ZDHHC23: variants seen among roughly 807,000 people sequenced by gnomAD.
ZDHHC23 encodes zDHHC palmitoyltransferase 23.
A neutral mutation model predicts 40.2 loss-of-function variants in ZDHHC23; 41 were observed. That is an observed-to-expected ratio of 1.02 (90% CI 0.79 to 1.32). The LOEUF is 1.32. Ranked by LOEUF, ZDHHC23 falls within the 40% of genes most tolerant of loss-of-function variation. ZDHHC23 has a pLI of 0.00. For synonymous variants in ZDHHC23, 204 were observed against 210.2 expected, an observed-to-expected ratio of 0.97 and a Z score of 0.26; for missense variants, 471 against 541.5, an observed-to-expected ratio of 0.87 and a Z score of 1.29.
chr3:113,956,326 A>G lies in ZDHHC23; in HGVS notation c.873-13A>G, dbSNP rs750441784. ...AATGTGTTTGCTTTTTTATTTCTCTATGCTGTTTTGAGGATAAATAGCTGC... is the reference window on the plus strand; with the variant it reads ...AATGTGTTTGCTTTTTTATTTCTCTGTGCTGTTTTGAGGATAAATAGCTGC... On this transcript the variant is annotated splice_polypyrimidine_tract_variant and intron_variant, in intron 3 of 4. Coordinates refer to ENST00000638807, the MANE Select transcript of ZDHHC23 (RefSeq NM_001320466.2). 6.2e-7 allele frequency: 1 copy of G among 1,610,132 alleles called. No individual in the cohort carries two copies. Among genetic ancestry groups the G allele is most frequent in the Non-Finnish European group, 8.5e-7 (1 of 1,178,788 alleles).
downstream of ZDHHC23, among the ~76,000 whole-genome samples, chr3:113,969,780 G>A (rs904839896): frequency 4.6e-5 from 7 of 152,154 alleles, no homozygotes; most frequent in African/African-American, 1.7e-4. Flanking sequence ...GTCAGGTAGT[G>A]TGATACCTAG....
At chr3:113,965,067 G>A (rs1939971390), downstream of ZDHHC23, 1 of 664,102 alleles carries the variant, frequency 1.5e-6, no homozygotes, top group Non-Finnish European at 2.5e-6. Context: ...AATAAACCAG[G>A]TGTATGTATG....
In ZDHHC23 at chr3:113,958,366, G is replaced by A. The variant is rs146093945; in HGVS notation, c.1044G>A (p.Ser348=). 14 of 1,606,434 alleles carry A rather than the reference G, an allele frequency of 8.7e-6. No homozygotes were observed. Among genetic ancestry groups the A allele is most frequent in the African/African-American group, 2.7e-5 (2 of 74,756 alleles). Residue 348 remains serine (S), a synonymous_variant, in exon 5 of 5, where the codon TCG becomes TCA. Coordinates refer to ENST00000638807, the MANE Select transcript of ZDHHC23 (RefSeq NM_001320466.2). ...ACAGCCTTTTTCCCTCTCCTAGCTC[G>A]GCTCTGTCCTTCACCTGCGTGTGGT... is the stretch of plus-strand genomic sequence containing the variant. ...YCPGVYANYS[S]ALSFTCVWYS...
At chr3:113,953,643 G>A in intron 2 of ZDHHC23, 57 bp from the exon 3 acceptor site, 1 of 1,477,136 alleles carries the variant, frequency 6.8e-7, no homozygotes, top group Admixed American at 1.9e-5. Context: ...GTGTTCTGTA[G>A]CTTTTAATTC....
At chr3:113,968,627 T>TTTG (rs201038959), downstream of ZDHHC23, among the ~76,000 whole-genome samples, 1,871 of 111,766 alleles carry the variant, frequency 0.017, 36 homozygotes, top group African/African-American at 0.049. Flanking sequence ...TAGTTTTTTG[T>TTTG]TTTTTTTTTT....
chr3:113,965,550 G>A (rs956821506), downstream of ZDHHC23: 9 of 393,598 alleles, frequency 2.3e-5, no homozygotes, highest in South Asian at 9.9e-5. Flanking sequence ...GGGAATGAGA[G>A]TGACTGATTG....
intron 3 of ZDHHC23, 148 bp from the exon 4 acceptor site, chr3:113,956,191 G>A (rs1939212446): frequency 1.3e-6 from 1 of 781,418 alleles, no homozygotes; most frequent in East Asian, 2.8e-5. Context: ...AGGTTGCAGT[G>A]AGCCAAGATC....
chr3:113,979,072 A>G, the ZDHHC23 span: 1 of 1,476,766 alleles, frequency 6.8e-7, no homozygotes, highest in African/African-American at 1.4e-5. Context: ...AAACAAACAC[A>G]TCACCTTTGG....
Position 113,960,496 on chromosome 3 carries a change from G to T in ZDHHC23, c.*1866G>T. On this transcript the variant is annotated 3_prime_UTR_variant, in exon 5 of 5. Coordinates refer to ENST00000638807, the MANE Select transcript of ZDHHC23 (RefSeq NM_001320466.2). The stretch of plus-strand genomic sequence containing the variant: ...GGATAGCCTGTGTGGGCAGAAATTG[G>T]TAGTCGTGCTTTTGAATGTCAGCTG... 3.6e-6 allele frequency: 5 copies of T among 1,398,766 alleles called. No homozygotes were observed. The highest frequency in any genetic ancestry group is 4.6e-6 in the Non-Finnish European group (5 of 1,084,442). 86.6% of individuals were successfully genotyped at this position (1,398,766 alleles called of 1,614,324 possible). A position where few individuals can be genotyped will look rare whatever the true frequency, so the allele number is the denominator to read the frequency against.
chr3:113,959,258 G>A lies in ZDHHC23; in HGVS notation c.*628G>A. ...ATCAGTTTTCAGCATATACCTTGTT[G>A]TACAGTTATGAGAATTTCTCCTTCT... On this transcript the variant is annotated 3_prime_UTR_variant, in exon 5 of 5. Coordinates refer to ENST00000638807, the MANE Select transcript of ZDHHC23 (RefSeq NM_001320466.2). 1 of 1,083,140 alleles carries A rather than the reference G, an allele frequency of 9.2e-7. No homozygotes were observed. The highest frequency in any genetic ancestry group is 1.6e-5 in the African/African-American group (1 of 61,830). 67.1% of individuals were successfully genotyped at this position (1,083,140 alleles called of 1,614,324 possible). A position where few individuals can be genotyped will look rare whatever the true frequency, so the allele number is the denominator to read the frequency against.
downstream of ZDHHC23, chr3:113,965,077 G>A: frequency 2.6e-6 from 2 of 759,726 alleles, no homozygotes; most frequent in Non-Finnish European, 4.2e-6. Flanking sequence ...GTGTATGTAT[G>A]TATGTGTGTG....
chr3:113,957,591 C>T lies in ZDHHC23; in HGVS notation c.1041-772C>T, dbSNP rs545821354. On this transcript the variant is annotated intron_variant, in intron 4 of 4. Transcript: ENST00000638807. Reference sequence around the variant, plus strand: ...TGCTTCTCACCCTGCTCTGTGCAGGCGATTCACAGCACCTCATCTTTTTGG... The same window carrying T: ...TGCTTCTCACCCTGCTCTGTGCAGGTGATTCACAGCACCTCATCTTTTTGG... 9.3e-5 allele frequency: 40 copies of T among 429,358 alleles called. 1 individual carries two copies. The highest frequency in any genetic ancestry group is 9.1e-4 in the East Asian group (13 of 14,364). 26.6% of individuals were successfully genotyped at this position (429,358 alleles called of 1,614,324 possible).
At chr3:113,957,310 T>A (rs1460528508) in intron 4 of ZDHHC23, among the ~76,000 whole-genome samples, 1 of 152,246 alleles carries the variant, frequency 6.6e-6, no homozygotes, top group Non-Finnish European at 1.5e-5. Flanking sequence ...TTACAAAGTA[T>A]CCCTTTGTGG....
At chr3:113,975,318 A>G in the ZDHHC23 span, among the ~76,000 whole-genome samples, 2 of 152,218 alleles carry the variant, frequency 1.3e-5, no homozygotes, top group African/African-American at 4.8e-5. Context: ...CAGGCTTAAG[A>G]CCAATAGATG....
the ZDHHC23 span, among the ~76,000 whole-genome samples, chr3:113,974,514 T>A: frequency 6.6e-6 from 1 of 151,766 alleles, no homozygotes; most frequent in Non-Finnish European, 1.5e-5. Context: ...GAGAGGGGGT[T>A]TCACCATGTT....
upstream of ZDHHC23, chr3:113,947,969 G>A (rs1207914038): frequency 6.8e-6 from 1 of 148,138 alleles, no homozygotes; most frequent in East Asian, 2.0e-4. Context: ...TTGGGACGGC[G>A]CGGGGAGGCG....
rs1157156229 is a variant in ZDHHC23, at chr3:113,956,525, A to T, written c.1040+19A>T. 6.3e-7 allele frequency: 1 copy of T among 1,597,850 alleles called. No homozygotes were observed. Among genetic ancestry groups the T allele is most frequent in the Admixed American group, 1.8e-5 (1 of 56,714 alleles). ...ATTACAGGTGAGCAGTGGGTACCAC[A>T]GTATGGAGGCCCCCTGGGAAGTAAT... On this transcript the variant is annotated intron_variant, in intron 4 of 4. Coordinates refer to ENST00000638807, the MANE Select transcript of ZDHHC23 (RefSeq NM_001320466.2).
the ZDHHC23 span, among the ~76,000 whole-genome samples, chr3:113,975,521 T>G: frequency 6.6e-6 from 1 of 152,216 alleles, no homozygotes; most frequent in Admixed American, 6.5e-5. Flanking sequence ...GTGTTACCTA[T>G]GTACTGAGCG....
chr3:113,965,192 G>T, downstream of ZDHHC23: 1 of 1,609,688 alleles, frequency 6.2e-7, no homozygotes, highest in Non-Finnish European at 8.5e-7. Flanking sequence ...CAAGGACCAA[G>T]TATCTGATTG....
Sources: gnomAD v4.1 joint callset for allele counts (sites outside exome capture counted in the v4.1 genomes callset) on GRCh38, gnomAD v4.1.1 for gene constraint, MANE v1.5 for transcripts, NCBI Gene and HGNC (gene_info 2026-07-23, HGNC 2026-07-21) for gene names.